Variants in PTPRD observed in about 807,000 individuals in gnomAD.
PTPRD encodes protein tyrosine phosphatase receptor type D.
A neutral mutation model predicts 214.5 loss-of-function variants in PTPRD; 34 were observed. The ratio of observed to expected loss-of-function variants is 0.16; its 90% CI spans 0.12 to 0.21. The LOEUF (loss-of-function observed/expected upper bound fraction) is 0.21. PTPRD is among the 10% of genes least tolerant of loss of function. The pLI, the probability that PTPRD is intolerant of heterozygous loss-of-function variation, is 1.00. For synonymous variants in PTPRD, 1,128 were observed against 845.7 expected, an observed-to-expected ratio of 1.33 and a Z score of -5.79; for missense variants, 2,545 against 2,398.7, an observed-to-expected ratio of 1.06 and a Z score of -1.27.
Position 8,878,714 on chromosome 9 carries a change from T to C in PTPRD, c.-104+139983A>G, listed in dbSNP as rs115040007. On this transcript the variant is annotated intron_variant, in intron 11 of 45. Transcript: ENST00000381196. The stretch of plus-strand genomic sequence containing the variant: ...AGATAACTTGTTTTTTATTTTTATT[T>C]TTAGAAGAGACGAGGTCTTGCCCTG... 4.7e-3 allele frequency among the ~76,000 whole-genome samples: 717 copies of C among 152,180 alleles called. 6 individuals carry two copies. Among genetic ancestry groups the C allele is most frequent in the African/African-American group, 0.017 (688 of 41,516 alleles).
chr9:10,578,233 G>C (rs757491330), intron 2 of PTPRD, among the ~76,000 whole-genome samples: 1 of 151,924 alleles, frequency 6.6e-6, no homozygotes, highest in Non-Finnish European at 1.5e-5. Context: ...TTCACTGAGG[G>C]TTTCTCGAAT....
chr9:8,687,972 G>T (rs890236670), intron 12 of PTPRD, among the ~76,000 whole-genome samples: 2 of 152,054 alleles, frequency 1.3e-5, no homozygotes, highest in East Asian at 3.9e-4. Flanking sequence ...CACTTTTACA[G>T]TTTTTTGAAA....
At chr9:8,491,202 G>A (rs1025757507) in intron 27 of PTPRD, among the ~76,000 whole-genome samples, 8 of 152,126 alleles carry the variant, frequency 5.3e-5, no homozygotes, top group East Asian at 1.9e-4. Flanking sequence ...TCTCAATACC[G>A]AAGCCTCTAT....
At chr9:10,395,031 G>A (rs1410210436) in intron 2 of PTPRD, among the ~76,000 whole-genome samples, 1 of 146,024 alleles carries the variant, frequency 6.8e-6, no homozygotes, top group Non-Finnish European at 1.5e-5. Context: ...ATAAACGTGT[G>A]CTCTCCTACC....
chr9:8,331,490 T>C, intron 44 of PTPRD, 92 bp downstream of exon 44: 1 of 1,448,652 alleles, frequency 6.9e-7, no homozygotes. Flanking sequence ...AAGAATAAAA[T>C]TTCAAATAAG....
At chr9:10,486,731 T>C (rs72700944) in intron 2 of PTPRD, among the ~76,000 whole-genome samples, 1,740 of 152,346 alleles carry the variant, frequency 0.011, 19 homozygotes, top group Middle Eastern at 0.034. Context: ...ACATGTGGTC[T>C]ATACTTGAGA....
chr9:9,581,690 A>G (rs1471770223), intron 7 of PTPRD, among the ~76,000 whole-genome samples: 1 of 152,140 alleles, frequency 6.6e-6, no homozygotes, highest in Non-Finnish European at 1.5e-5. Context: ...AAATCTTCTC[A>G]ACGTCTTAAT....
intron 9 of PTPRD, among the ~76,000 whole-genome samples, chr9:9,370,705 T>C (rs981908012): frequency 6.6e-6 from 1 of 152,084 alleles, no homozygotes; most frequent in African/African-American, 2.4e-5. Context: ...TCAAAGGGAA[T>C]GCTTCCAGTT....
chr9:9,274,590 C>T (rs1944238289), intron 9 of PTPRD, among the ~76,000 whole-genome samples: 1 of 151,178 alleles, frequency 6.6e-6, no homozygotes, highest in Admixed American at 6.6e-5. Flanking sequence ...TTGGAGAACT[C>T]CCAAAAATGT....
At chr9:8,857,929 C>T (rs1266656687) in intron 11 of PTPRD, among the ~76,000 whole-genome samples, 2 of 148,606 alleles carry the variant, frequency 1.3e-5, no homozygotes, top group East Asian at 4.1e-4. Flanking sequence ...CCCTCCACCC[C>T]TACCCCCTTT....
intron 2 of PTPRD, among the ~76,000 whole-genome samples, chr9:10,603,455 C>G (rs948569893): frequency 6.6e-6 from 1 of 151,890 alleles, no homozygotes; most frequent in Non-Finnish European, 1.5e-5. Flanking sequence ...GATCCACAAT[C>G]TCACACTTTT....
chr9:9,895,667 A>G (rs1159970863), intron 5 of PTPRD, among the ~76,000 whole-genome samples: 1 of 152,042 alleles, frequency 6.6e-6, no homozygotes, highest in Non-Finnish European at 1.5e-5. Context: ...TAAGAGATCT[A>G]TTATACTACA....
intron 11 of PTPRD, among the ~76,000 whole-genome samples, chr9:8,808,215 C>A (rs758872763): frequency 6.6e-6 from 1 of 152,156 alleles, no homozygotes; most frequent in Admixed American, 6.5e-5. Flanking sequence ...CACCATACCA[C>A]TGGAATAGAG....
rs969561929 is a variant in PTPRD, at chr9:9,913,168, C to A, written c.-368+25339G>T. Among the ~76,000 whole-genome samples the A allele has an allele frequency of 2.0e-5, 3 of 152,050 alleles. No individual in the cohort carries two copies. The South Asian group carries it at 6.2e-4, about 32-fold the overall frequency. ...TTACATTCTAATTGCTATATAAATT[C>A]ATTTTTATGAAAAAAGAAAAGTATG... On this transcript the variant is annotated intron_variant, in intron 5 of 45. Transcript: ENST00000381196.
intron 11 of PTPRD, among the ~76,000 whole-genome samples, chr9:8,750,519 G>C (rs184579855): frequency 6.6e-6 from 1 of 152,012 alleles, no homozygotes; most frequent in African/African-American, 2.4e-5. Flanking sequence ...AGTTAACAGG[G>C]GTAGAAAAAT....
chr9:9,186,392 T>C (rs988502778), intron 9 of PTPRD, among the ~76,000 whole-genome samples: 3 of 152,092 alleles, frequency 2.0e-5, no homozygotes, highest in Non-Finnish European at 4.4e-5. Flanking sequence ...ATACAGTTTC[T>C]AGTATTTGTA....
At position 9,057,314 on chromosome 9, in the gene PTPRD, G is replaced by A. The variant is rs574428843; in HGVS notation, c.-142-38579C>T. 1.6e-3 allele frequency among the ~76,000 whole-genome samples: 247 copies of A among 152,110 alleles called. 1 individual carries two copies. Among genetic ancestry groups the A allele is most frequent in the Non-Finnish European group, 2.8e-3 (193 of 67,994 alleles). ...ATGATATATTTTTTTTCTAAGAATCGAAGTATATTTGAGCTGAAAGGGGCC... is the reference window on the plus strand; with the variant it reads ...ATGATATATTTTTTTTCTAAGAATCAAAGTATATTTGAGCTGAAAGGGGCC... On this transcript the variant is annotated intron_variant, in intron 10 of 45. Transcript: ENST00000381196.
At chr9:9,271,777 A>T (rs1045454151) in intron 9 of PTPRD, among the ~76,000 whole-genome samples, 5 of 151,402 alleles carry the variant, frequency 3.3e-5, no homozygotes, top group Non-Finnish European at 7.4e-5. Flanking sequence ...ATGGATTTTA[A>T]AAAAAGAAGA....
At chr9:9,900,408 C>T (rs2076108880) in intron 5 of PTPRD, among the ~76,000 whole-genome samples, 1 of 152,184 alleles carries the variant, frequency 6.6e-6, no homozygotes, top group Non-Finnish European at 1.5e-5. Context: ...AAGTTCTTTG[C>T]TAAGGCAAAA....
Sources: allele counts gnomAD v4.1 joint callset (sites outside exome capture counted in the v4.1 genomes callset), GRCh38; gene constraint gnomAD v4.1.1; transcripts MANE v1.5; gene names NCBI Gene and HGNC (gene_info 2026-07-23, HGNC 2026-07-21).